The following DAB1 variants were observed in gnomAD, a reference collection of about 807,000 sequenced individuals.
The protein encoded by DAB1 is disabled homolog 1.
A neutral mutation model predicts 64.6 loss-of-function variants in DAB1; 15 were observed. The ratio of observed to expected loss-of-function variants is 0.23; its 90% CI spans 0.16 to 0.36. The LOEUF (loss-of-function observed/expected upper bound fraction) is 0.36. Ranked by LOEUF, DAB1 falls within the 10% of genes least tolerant of loss-of-function variation. The pLI, the probability that DAB1 is intolerant of heterozygous loss-of-function variation, is 1.00. For synonymous variants in DAB1, 235 were observed against 251.9 expected (o/e 0.93, Z 0.64); for missense variants, 596 against 706.7 (o/e 0.84, Z 1.78).
chr1:57,141,345 G>A (rs1397977273), intron 3 of DAB1, among the ~76,000 whole-genome samples: 1 of 152,134 alleles, frequency 6.6e-6, no homozygotes, highest in East Asian at 1.9e-4. Flanking sequence ...GGAGATCAGT[G>A]GGTAGGAGAG....
At position 58,420,512 on chromosome 1, in the gene DAB1, C is replaced by T. The variant is rs148943058; in HGVS notation, n.258-77109G>A. On this transcript the variant is annotated intron_variant and non_coding_transcript_variant, in intron 3 of 20. Transcript: ENST00000485760. ...GTAGAAACCACCTAACTCAGAGCAA[C>T]GGTTCACAGACAATGCTCACTACAA... Among the ~76,000 whole-genome samples, 359 of 152,304 alleles carry T rather than the reference C, an allele frequency of 2.4e-3. 2 individuals carry two copies. Among genetic ancestry groups the T allele is most frequent in the African/African-American group, 8.2e-3 (342 of 41,554 alleles).
chr1:57,750,191 A>T (rs936012700), intron 6 of DAB1, among the ~76,000 whole-genome samples: 2 of 152,194 alleles, frequency 1.3e-5, no homozygotes, highest in Non-Finnish European at 2.9e-5. Flanking sequence ...ACACATATTT[A>T]GTATTGATCA....
At chr1:57,134,615 T>G (rs1657923074) in intron 4 of DAB1, among the ~76,000 whole-genome samples, 1 of 151,790 alleles carries the variant, frequency 6.6e-6, no homozygotes, top group African/African-American at 2.4e-5. Flanking sequence ...CAACAAACCC[T>G]GTGACACAAG....
intron 5 of DAB1, among the ~76,000 whole-genome samples, chr1:57,917,354 C>A (rs11587353): frequency 0.13 from 20,060 of 152,160 alleles, 1,711 homozygotes; most frequent in Non-Finnish European, 0.19. Flanking sequence ...AGGATGTGGG[C>A]TTGGAGTCTA....
At chr1:57,403,023 T>C (rs1043593653) in intron 1 of DAB1, among the ~76,000 whole-genome samples, 1 of 152,184 alleles carries the variant, frequency 6.6e-6, no homozygotes, top group African/African-American at 2.4e-5. Flanking sequence ...TATTCAACTG[T>C]TATAAACCTG....
chr1:57,525,814 G>C (rs1644585512), intron 7 of DAB1, among the ~76,000 whole-genome samples: 1 of 151,942 alleles, frequency 6.6e-6, no homozygotes, highest in South Asian at 2.1e-4. Flanking sequence ...TTGCATTAGA[G>C]GAACAAAAGC....
chr1:57,928,169 T>C (rs79609449), intron 5 of DAB1, among the ~76,000 whole-genome samples: 1,923 of 152,276 alleles, frequency 0.013, 47 homozygotes, highest in African/African-American at 0.045. Context: ...ACTTGCACGA[T>C]CAAAGTCCTT....
chr1:57,893,891 G>A (rs1644353820), intron 5 of DAB1, among the ~76,000 whole-genome samples: 1 of 152,094 alleles, frequency 6.6e-6, no homozygotes, highest in Admixed American at 6.5e-5. Context: ...GTTTGAGAGG[G>A]CTCACACCTG....
rs145673289 is a variant in DAB1, at chr1:57,019,766, G to A, written c.895+3765C>T. ...GTACTAAGGAGCATCTGTTTATGCC[G>A]TGAAGTTCAGAGCAATCATAAATCT... On this transcript the variant is annotated intron_variant, in intron 11 of 14. Coordinates refer to ENST00000371236, the MANE Select transcript of DAB1 (RefSeq NM_001365792.1). Among the ~76,000 whole-genome samples, 281 of 152,292 alleles carry A rather than the reference G, an allele frequency of 1.8e-3. 2 individuals are homozygous for A. The highest frequency in any genetic ancestry group is 6.4e-3 in the African/African-American group (264 of 41,566).
chr1:57,244,057 T>C (rs891023113), intron 2 of DAB1, among the ~76,000 whole-genome samples: 1 of 104,092 alleles, frequency 9.6e-6, no homozygotes, highest in Non-Finnish European at 2.3e-5. Flanking sequence ...TTCTGTAACC[T>C]GGGAAAACTT....
chr1:58,523,728 T>C (rs1391128686), intron 2 of DAB1, among the ~76,000 whole-genome samples: 1 of 151,994 alleles, frequency 6.6e-6, no homozygotes, highest in Non-Finnish European at 1.5e-5. Context: ...TGAAACCCCA[T>C]CTCTACTAAA....
intron 5 of DAB1, among the ~76,000 whole-genome samples, chr1:58,118,859 A>G (rs115097369): frequency 0.049 from 7,442 of 151,866 alleles, 211 homozygotes; most frequent in Admixed American, 0.077. Flanking sequence ...CCATGCTCAT[A>G]ACCACTACAC....
chr1:57,842,569 G>A (rs1457712375), intron 1 of DAB1, among the ~76,000 whole-genome samples: 3 of 152,142 alleles, frequency 2.0e-5, no homozygotes, highest in African/African-American at 7.2e-5. Flanking sequence ...CTGAATGGCT[G>A]GGGAGGCCTC....
chr1:57,024,799 G>A (rs1395434741), intron 10 of DAB1, among the ~76,000 whole-genome samples: 2 of 152,190 alleles, frequency 1.3e-5, no homozygotes, highest in East Asian at 3.8e-4. Flanking sequence ...CTGCCGTTCT[G>A]CAACTCCAAG....
At chr1:57,020,049 C>G (rs1296988457) in intron 11 of DAB1, among the ~76,000 whole-genome samples, 2 of 152,192 alleles carry the variant, frequency 1.3e-5, no homozygotes, top group Non-Finnish European at 2.9e-5. Context: ...AAAAATACCT[C>G]CACTAGGTGC....
intron 6 of DAB1, among the ~76,000 whole-genome samples, chr1:57,685,786 T>A (rs1646690246): frequency 6.6e-6 from 1 of 151,870 alleles, no homozygotes; most frequent in Non-Finnish European, 1.5e-5. Context: ...ACATTGAAAT[T>A]AAACAACTTG....
intron 4 of DAB1, among the ~76,000 whole-genome samples, chr1:58,205,022 A>C (rs1046298697): frequency 2.0e-5 from 3 of 152,172 alleles, no homozygotes; most frequent in Non-Finnish European, 4.4e-5. Context: ...TATTATAATA[A>C]TAGTATTCAT....
chr1:58,224,208 G>A lies in DAB1; in HGVS notation n.310-73620C>T, dbSNP rs147508296. Among the ~76,000 whole-genome samples the A allele has an allele frequency of 1.0e-3, 159 of 152,310 alleles. 5 individuals are homozygous for A. The East Asian group carries it at 0.03, about 28-fold the overall frequency. ...TGAGCAAGTTTCCCCTAGGTTGTCTGAGCCTAGGTTCCACATCCACCACAC... is the reference window on the plus strand; with the variant it reads ...TGAGCAAGTTTCCCCTAGGTTGTCTAAGCCTAGGTTCCACATCCACCACAC... On this transcript the variant is annotated intron_variant and non_coding_transcript_variant, in intron 4 of 20. Coordinates refer to the DAB1 transcript ENST00000485760.
chr1:57,849,210 C>T (rs1653416434), intron 1 of DAB1, among the ~76,000 whole-genome samples: 1 of 152,128 alleles, frequency 6.6e-6, no homozygotes, highest in Admixed American at 6.6e-5. Context: ...AGCAGAAGCA[C>T]CAGAAGGGCC....
Sources: allele counts gnomAD v4.1 joint callset (sites outside exome capture counted in the v4.1 genomes callset), GRCh38; gene constraint gnomAD v4.1.1; transcripts MANE v1.5; gene names NCBI Gene and HGNC (gene_info 2026-07-23, HGNC 2026-07-21).